The following DPP10 variants were observed in gnomAD, a reference collection of about 807,000 sequenced individuals.
DPP10 encodes dipeptidyl peptidase like 10.
Under a neutral mutation model 120.9 loss-of-function variants are expected in DPP10, and 33 were observed. That is an observed-to-expected ratio of 0.27 (90% CI 0.21 to 0.37). The LOEUF (loss-of-function observed/expected upper bound fraction) is 0.37. Ranked by LOEUF, DPP10 falls within the 10% of genes least tolerant of loss-of-function variation. The pLI, the probability that DPP10 is intolerant of heterozygous loss-of-function variation, is 1.00. For missense variants in DPP10, 816 were observed against 942.8 expected (o/e 0.87, Z 1.76); for synonymous variants, 337 against 326.1 (o/e 1.03, Z -0.36).
intron 1 of DPP10, among the ~76,000 whole-genome samples, chr2:114,532,858 G>A (rs138602259): frequency 6.6e-6 from 1 of 152,114 alleles, no homozygotes; most frequent in Admixed American, 6.5e-5. Context: ...TGGGGTTAAG[G>A]TGTGTACCAT....
rs112993269 is a variant in DPP10, at chr2:114,801,288, G to GAAAAAAGAAAA, written c.60+358453_60+358454insAAAGAAAAAAA. ...AAAAAAAAAAAAAAAAAGAAAAAAAGAAAGAAAGAAAGGTACAGAAGATAG... is the reference window on the plus strand; with the variant it reads ...AAAAAAAAAAAAAAAAAGAAAAAAAGAAAAAAGAAAAAAAGAAAGAAAGGTACAGAAGATAG... On this transcript the variant is annotated intron_variant, in intron 1 of 25. Coordinates refer to ENST00000410059, the MANE Select transcript of DPP10 (RefSeq NM_020868.6). Among the ~76,000 whole-genome samples the GAAAAAAGAAAA allele has an allele frequency of 2.4e-3, 342 of 142,772 alleles. 2 individuals are homozygous for GAAAAAAGAAAA. Among genetic ancestry groups the GAAAAAAGAAAA allele is most frequent in the Non-Finnish European group, 3.6e-3 (238 of 66,186 alleles). 93.7% of individuals were successfully genotyped at this position (142,772 alleles called of 152,430 possible). A position where few individuals can be genotyped will look rare whatever the true frequency, so the allele number is the denominator to read the frequency against.
chr2:115,712,647 A>G (rs1308126204), intron 7 of DPP10, among the ~76,000 whole-genome samples: 1 of 146,406 alleles, frequency 6.8e-6, no homozygotes, highest in Non-Finnish European at 1.5e-5. Flanking sequence ...TTTTTTCTGT[A>G]AAGAATCATA....
intron 1 of DPP10, among the ~76,000 whole-genome samples, chr2:114,515,532 C>T (rs890901661): frequency 2.0e-5 from 3 of 152,092 alleles, no homozygotes; most frequent in Admixed American, 6.6e-5. Flanking sequence ...AAAGGTGCCT[C>T]GCTCCTCAGA....
chr2:115,706,307 G>T (rs773631618), intron 7 of DPP10, among the ~76,000 whole-genome samples: 1 of 151,576 alleles, frequency 6.6e-6, no homozygotes, highest in African/African-American at 2.4e-5. Flanking sequence ...AAATAATAAG[G>T]TATTTGTAAT....
At chr2:115,624,025 A>G (rs2085177346) in intron 5 of DPP10, among the ~76,000 whole-genome samples, 1 of 151,640 alleles carries the variant, frequency 6.6e-6, no homozygotes, top group Non-Finnish European at 1.5e-5. Context: ...TGTAGATGTT[A>G]GGCCTGTAAA....
Position 114,636,918 on chromosome 2 carries a change from C to T in DPP10, c.60+194080C>T, listed in dbSNP as rs535157497. The stretch of plus-strand genomic sequence containing the variant: ...GTAGAATATGTAAAGAGGCTCAAAT[C>T]ACAAATCACACAATGGTGGAACTTT... On this transcript the variant is annotated intron_variant, in intron 1 of 25. Transcript: ENST00000410059. Among the ~76,000 whole-genome samples, 7 of 151,968 alleles carry T rather than the reference C, an allele frequency of 4.6e-5. No homozygotes were observed. In the South Asian group the frequency reaches 1.4e-3, roughly 31 times the overall value.
At chr2:115,063,217 C>T (rs544196050) in intron 1 of DPP10, among the ~76,000 whole-genome samples, 14 of 152,148 alleles carry the variant, frequency 9.2e-5, no homozygotes, top group African/African-American at 2.6e-4. Flanking sequence ...TCATGTCCTT[C>T]GTCCACTTTT....
chr2:114,657,691 T>C (rs1422321419), intron 1 of DPP10, among the ~76,000 whole-genome samples: 2 of 152,200 alleles, frequency 1.3e-5, no homozygotes, highest in Non-Finnish European at 2.9e-5. Flanking sequence ...GCTGACACAT[T>C]GAGCAACACC....
intron 1 of DPP10, among the ~76,000 whole-genome samples, chr2:114,531,857 A>G (rs1573581837): frequency 6.6e-6 from 1 of 152,154 alleles, no homozygotes; most frequent in South Asian, 2.1e-4. Flanking sequence ...GGATGCTCAT[A>G]TATCTTGTGA....
At chr2:114,662,443 C>G (rs536640834) in intron 1 of DPP10, among the ~76,000 whole-genome samples, 1 of 152,284 alleles carries the variant, frequency 6.6e-6, no homozygotes, top group African/African-American at 2.4e-5. Flanking sequence ...CGGAGCGGGA[C>G]GCCTGCTGCT....
At chr2:115,024,210 T>G (rs146380555) in intron 1 of DPP10, among the ~76,000 whole-genome samples, 3,681 of 152,210 alleles carry the variant, frequency 0.024, 70 homozygotes, top group Non-Finnish European at 0.039. Context: ...ATATTTATAT[T>G]TCAGGTGGGT....
chr2:114,966,998 C>T (rs1270785177), intron 1 of DPP10, among the ~76,000 whole-genome samples: 1 of 152,102 alleles, frequency 6.6e-6, no homozygotes, highest in East Asian at 1.9e-4. Flanking sequence ...TCCATGACCA[C>T]ACCATTGTAC....
intron 1 of DPP10, among the ~76,000 whole-genome samples, chr2:115,040,746 C>G (rs1704572933): frequency 6.6e-6 from 1 of 151,946 alleles, no homozygotes; most frequent in Admixed American, 6.6e-5. Flanking sequence ...TGTGTAACAC[C>G]TCTCCCCTCA....
At chr2:114,733,043 A>G (rs1222059015) in intron 1 of DPP10, among the ~76,000 whole-genome samples, 1 of 152,202 alleles carries the variant, frequency 6.6e-6, no homozygotes, top group Non-Finnish European at 1.5e-5. Flanking sequence ...GCATCCAGAA[A>G]GTAAAGAAGA....
chr2:114,835,740 T>C (rs1247439071), intron 1 of DPP10, among the ~76,000 whole-genome samples: 1 of 152,144 alleles, frequency 6.6e-6, no homozygotes, highest in African/African-American at 2.4e-5. Context: ...GTCAGACAAA[T>C]CCAAATACCT....
At chr2:115,645,846 CTT>C (rs2087198927) in intron 5 of DPP10, among the ~76,000 whole-genome samples, 1 of 152,132 alleles carries the variant, frequency 6.6e-6, no homozygotes, top group African/African-American at 2.4e-5. Flanking sequence ...CCTTCTCTGT[CTT>C]CCTATATAAA....
At chr2:115,172,388 A>AG (rs2105070075) in intron 1 of DPP10, among the ~76,000 whole-genome samples, 2 of 152,236 alleles carry the variant, frequency 1.3e-5, no homozygotes, top group African/African-American at 4.8e-5. Context: ...CGTCTCAAAA[A>AG]AAAAAAAAAA....
chr2:114,952,854 A>G (rs1003730120), intron 1 of DPP10, among the ~76,000 whole-genome samples: 17 of 152,200 alleles, frequency 1.1e-4, no homozygotes, highest in African/African-American at 4.1e-4. Flanking sequence ...AGCCACAGCC[A>G]TGTGAGGAGG....
chr2:114,688,362 T>C (rs778713827), intron 1 of DPP10, among the ~76,000 whole-genome samples: 2 of 151,962 alleles, frequency 1.3e-5, no homozygotes, highest in Non-Finnish European at 2.9e-5. Flanking sequence ...CTATTTTTTC[T>C]ACCTAGATGT....
Sources: gnomAD v4.1 joint callset for allele counts (sites outside exome capture counted in the v4.1 genomes callset) on GRCh38, gnomAD v4.1.1 for gene constraint, MANE v1.5 for transcripts, NCBI Gene and HGNC (gene_info 2026-07-23, HGNC 2026-07-21) for gene names.